CLCN2: variants seen among roughly 807,000 people sequenced by gnomAD.
CLCN2 encodes chloride channel protein 2.
CLCN2 carries 72 observed loss-of-function variants against 108.3 expected under a neutral mutation model. The ratio of observed to expected loss-of-function variants is 0.66; its 90% confidence interval spans 0.55 to 0.81. The LOEUF (loss-of-function observed/expected upper bound fraction) is 0.81, where lower values mean the gene tolerates loss of function less well. Ranked by LOEUF, CLCN2 falls within the 30% of genes least tolerant of loss-of-function variation. The pLI is 0.00. For synonymous variants in CLCN2, 471 were observed against 467.1 expected (o/e 1.01, Z -0.11); for missense variants, 1,048 against 1,205.2 (o/e 0.87, Z 1.93).
At chr3:184,357,940 T>C (rs746102407) in intron 5 of CLCN2, 22 bp downstream of exon 5, 22 of 1,613,702 alleles carry the variant, frequency 1.4e-5, no homozygotes, top group Non-Finnish European at 1.9e-5. Flanking sequence ...AGGGACTCCT[T>C]CATTCCCCAG....
At position 184,353,747 on chromosome 3, in the gene CLCN2, A is replaced by G. The variant is rs748665253; in HGVS notation, c.1770T>C (p.His590=). 19 of 1,607,668 alleles carry G rather than the reference A, an allele frequency of 1.2e-5. No individual in the cohort carries two copies. Among genetic ancestry groups the G allele is most frequent in the African/African-American group, 2.7e-5 (2 of 74,858 alleles). ...VEDIMVRDVP[H]VALSCTFRDL... is the part of the protein sequence containing the mutation. The stretch of plus-strand genomic sequence containing the variant: ...CCCGGAAGGTGCAGCTGAGGGCCAC[A>G]TGGGGAACATCCCGCACCATGATGT... Residue 590 remains histidine, a synonymous_variant, in exon 16 of 24, where the codon CAT becomes CAC. Transcript: ENST00000265593.
chr3:184,349,200 A>G (rs1727917603), intron 22 of CLCN2: 1 of 152,080 alleles, frequency 6.6e-6, no homozygotes, highest in African/African-American at 2.4e-5. Context: ...TAGTTAAAAA[A>G]ATTTTCTGGG....
In CLCN2 at chr3:184,347,507, G is replaced by A. The variant is rs75712264; in HGVS notation, c.2416-486C>T. 373 of 278,172 alleles carry A rather than the reference G, an allele frequency of 1.3e-3. 1 individual carries two copies. The highest frequency in any genetic ancestry group is 8.0e-3 in the African/African-American group (365 of 45,642). The allele number at this position is 278,172 out of a possible 1,614,324, so 17.2% of individuals were successfully genotyped here. A position where few individuals can be genotyped will look rare whatever the true frequency, so the allele number is the denominator to read the frequency against. On this transcript the variant is annotated intron_variant, in intron 22 of 23. Coordinates refer to ENST00000265593, the MANE Select transcript of CLCN2 (RefSeq NM_004366.6). ...AGCCCCAGTCACTTTTCATCACACC[G>A]GAGAGGGACGCACAACCCCAGTCCT... is the stretch of plus-strand genomic sequence containing the variant.
intron 1 of CLCN2, among the ~76,000 whole-genome samples, chr3:184,360,549 C>T (rs1711917395): frequency 6.6e-6 from 1 of 152,146 alleles, no homozygotes; most frequent in Non-Finnish European, 1.5e-5. Context: ...AGACTTATAG[C>T]CTCTCCTCTC....
Position 184,354,531 on chromosome 3 carries a change from G to A in CLCN2, c.1507+17C>T. 6.2e-7 allele frequency: 1 copy of A among 1,601,580 alleles called. No homozygotes were observed. On this transcript the variant is annotated intron_variant, in intron 14 of 23. Coordinates refer to ENST00000265593, the MANE Select transcript of CLCN2 (RefSeq NM_004366.6). ...GTGGGGGGGTCTCCCAAGGCCGATGGGACCTGAGGCACTCACCGACCACAG... is the reference window on the plus strand; with the variant it reads ...GTGGGGGGGTCTCCCAAGGCCGATGAGACCTGAGGCACTCACCGACCACAG...
chr3:184,352,387 G>A lies in CLCN2; in HGVS notation c.2271+56C>T, dbSNP rs940519954. ...GGGGCTCTGGAGTTTATCCAGCCTA[G>A]ACCCTGCCCTCCCTGCCCGGTGCCG... On this transcript the variant is annotated intron_variant, in intron 20 of 23. Coordinates refer to ENST00000265593, the MANE Select transcript of CLCN2 (RefSeq NM_004366.6). 3.8e-5 allele frequency: 61 copies of A among 1,613,182 alleles called. 1 individual carries two copies. In the South Asian group the frequency reaches 6.0e-4, roughly 16 times the overall value.
intron 22 of CLCN2, chr3:184,347,359 G>A: frequency 7.5e-6 from 3 of 400,596 alleles, no homozygotes; most frequent in South Asian, 2.1e-5. Flanking sequence ...GCCAGGCTCC[G>A]TGCTAGGTCT....
Position 184,361,541 on chromosome 3 carries a change from G to A in CLCN2, c.-62C>T, listed in dbSNP as rs918545229. 5 of 1,571,762 alleles carry A rather than the reference G, an allele frequency of 3.2e-6. No individual in the cohort carries two copies. The highest frequency in any genetic ancestry group is 1.1e-5 in the South Asian group (1 of 90,194). On this transcript the variant is annotated 5_prime_UTR_variant, in exon 1 of 24. Transcript: ENST00000265593. This position sits in a 1 kb window ranked among gnomAD's most constrained non-coding sequence, Gnocchi z 6.6. Reference sequence around the variant, plus strand: ...CGGCTCTGTCCTGGACTCGGCTCCCGGCCCGCAAAGTCCGCGCCGGCAGCC... The same window carrying A: ...CGGCTCTGTCCTGGACTCGGCTCCCAGCCCGCAAAGTCCGCGCCGGCAGCC...
At chr3:184,360,395 G>C (rs544073846) in intron 1 of CLCN2, among the ~76,000 whole-genome samples, 1 of 152,160 alleles carries the variant, frequency 6.6e-6, no homozygotes, top group East Asian at 1.9e-4. Flanking sequence ...TGGCTTCCTT[G>C]ACCATGCTCC....
At chr3:184,358,523 G>A in intron 3 of CLCN2, 159 bp downstream of exon 3, 1 of 1,146,580 alleles carries the variant, frequency 8.7e-7, no homozygotes. Context: ...GTGCCCTGTG[G>A]GAGTGGCCGA....
Position 184,355,057 on chromosome 3 carries a change from C to T in CLCN2, c.1327-84G>A, listed in dbSNP as rs924197356. On this transcript the variant is annotated intron_variant, in intron 12 of 23. Coordinates refer to ENST00000265593, the MANE Select transcript of CLCN2 (RefSeq NM_004366.6). The surrounding 1 kb of genome is among the most constrained non-coding windows in gnomAD (Gnocchi z 6.3). ...AGCGCCACCCAGGAGAAGTCTACCT[C>T]GCTGATCAGGTGGGCGTAACCCTCC... is the stretch of plus-strand genomic sequence containing the variant. The T allele has an allele frequency of 1.5e-5, 20 of 1,330,534 alleles. No individual in the cohort carries two copies. The highest frequency in any genetic ancestry group is 1.7e-5 in the Admixed American group (1 of 58,010). 82.4% of individuals were successfully genotyped at this position (1,330,534 alleles called of 1,614,324 possible).
intron 22 of CLCN2, among the ~76,000 whole-genome samples, chr3:184,351,472 G>A (rs944504491): frequency 2.6e-5 from 4 of 152,156 alleles, no homozygotes; most frequent in Admixed American, 6.5e-5. Flanking sequence ...TCCCGCGTCC[G>A]TACCAGTTTT....
rs1728363848 is a variant in CLCN2, at chr3:184,354,296, C to G, written c.1526G>C (p.Gly509Ala). The change falls in exon 15 of 24, where the codon GGA becomes GCA. Residue 509 changes from glycine to alanine, a missense_variant. By Grantham distance (60) the Gly-to-Ala change is moderately conservative (BLOSUM62 0). Transcript: ENST00000265593. ...YAVVGAAALA[G>A]AVTHTVSTAV... ...CGTGGACACTGTGTGTGTCACCGCT[C>G]CTGCCAGCGCAGCTGCCCCTGGGGA... 6.2e-7 allele frequency: 1 copy of G among 1,613,084 alleles called. No individual in the cohort carries two copies. The highest frequency in any genetic ancestry group is 8.5e-7 in the Non-Finnish European group (1 of 1,179,976).
At chr3:184,347,911 T>A (rs9680897) in intron 22 of CLCN2, 3 of 152,238 alleles carry the variant, frequency 2.0e-5, no homozygotes. Context: ...TAGATTTTCT[T>A]GGGGCCAGAT....
chr3:184,360,312 C>G (rs901127623), intron 1 of CLCN2, among the ~76,000 whole-genome samples: 7 of 152,052 alleles, frequency 4.6e-5, no homozygotes, highest in Non-Finnish European at 8.8e-5. Flanking sequence ...GAGCTCATTC[C>G]AGAGACAGCT....
Position 184,354,086 on chromosome 3 carries a change from C to T in CLCN2, c.1721+15G>A. 6.2e-7 allele frequency: 1 copy of T among 1,610,426 alleles called. No individual in the cohort carries two copies. Among genetic ancestry groups the T allele is most frequent in the Non-Finnish European group, 8.5e-7 (1 of 1,178,974 alleles). On this transcript the variant is annotated intron_variant, in intron 15 of 23. Transcript: ENST00000265593. ...CCCTTCACCCACAGCCCCCTTGGCA[C>T]CCAGCCCTCCGTACTGGTGGCGGCC... is the stretch of plus-strand genomic sequence containing the variant.
At position 184,354,293 on chromosome 3, in the gene CLCN2, G is replaced by A. The variant is rs145746859; in HGVS notation, c.1529C>T (p.Ala510Val). 6.7e-5 allele frequency: 108 copies of A among 1,612,818 alleles called. No homozygotes were observed. Among genetic ancestry groups the A allele is most frequent in the Non-Finnish European group, 8.3e-5 (98 of 1,179,960 alleles). The change falls in exon 15 of 24, where the codon GCG becomes GTG. Residue 510 changes from alanine (A) to valine (V), a missense_variant. Transcript: ENST00000265593. ...AGCCGTGGACACTGTGTGTGTCACCGCTCCTGCCAGCGCAGCTGCCCCTGG... is the reference window on the plus strand; with the variant it reads ...AGCCGTGGACACTGTGTGTGTCACCACTCCTGCCAGCGCAGCTGCCCCTGG... ...AVVGAAALAG[A>V]VTHTVSTAVI...
rs763343603 is a variant in CLCN2 at position 184,354,639 on chromosome 3, C to G, written c.1416G>C (p.Leu472=). The change falls in exon 14 of 24, where the codon CTG becomes CTC. Residue 472 remains leucine, a synonymous_variant. Coordinates refer to ENST00000265593, the MANE Select transcript of CLCN2 (RefSeq NM_004366.6). The part of the protein sequence containing the change: ...VFVIGAAFGR[L]VGESMAAWFP... ...ACCAGGCAGCCATGCTTTCACCCAC[C>G]AGACGCCCAAATGCTGCTCCTTCAG... 3.1e-6 allele frequency: 5 copies of G among 1,610,748 alleles called. No homozygotes were observed. In the South Asian group the frequency reaches 5.5e-5, roughly 18 times the overall value.
rs201993711 is a variant in CLCN2, at chr3:184,352,058, A to T, written c.2370T>A (p.Ile790=). 10 of 1,613,578 alleles carry T rather than the reference A, an allele frequency of 6.2e-6. No individual in the cohort carries two copies. The East Asian group carries it at 1.6e-4, about 25-fold the overall frequency. The change falls in exon 22 of 24, where the codon ATT becomes ATA. Residue 790 remains isoleucine (I), a synonymous_variant. Coordinates refer to ENST00000265593, the MANE Select transcript of CLCN2 (RefSeq NM_004366.6). ...CCACCAGCTGGAAGGGAGCAGGATC[A>T]ATTTTGCAGTCACTGAAGTTGACAG... is the stretch of plus-strand genomic sequence containing the variant. ...DEPVNFSDCK[I]DPAPFQLVER... is the part of the protein sequence containing the mutation.
Sources: gnomAD v4.1 joint callset for allele counts (sites outside exome capture counted in the v4.1 genomes callset) on GRCh38, gnomAD v4.1.1 for gene constraint, Gnocchi (gnomAD v3.1) non-coding constraint, MANE v1.5 for transcripts, NCBI Gene and HGNC (gene_info 2026-07-23, HGNC 2026-07-21) for gene names.